Variants in PDZRN3 observed in about 807,000 individuals in gnomAD.
PDZRN3 encodes PDZ domain containing ring finger 3.
PDZRN3 carries 38 observed loss-of-function variants against 85.7 expected under a neutral mutation model. The observed-to-expected ratio is 0.44, with a 90% CI of 0.34 to 0.58. The LOEUF (loss-of-function observed/expected upper bound fraction) is 0.58. Among genes scored for constraint, PDZRN3 ranks in the 20% least tolerant of loss-of-function variants. The pLI, the probability that PDZRN3 is intolerant of heterozygous loss-of-function variation, is 0.01. For synonymous variants in PDZRN3, 759 were observed against 638.0 expected, an observed-to-expected ratio of 1.19 and a Z score of -2.86; for missense variants, 1,629 against 1,506.4, an observed-to-expected ratio of 1.08 and a Z score of -1.35.
intron 3 of PDZRN3, among the ~76,000 whole-genome samples, chr3:73,494,782 A>G (rs578136945): frequency 3.5e-4 from 54 of 152,368 alleles, no homozygotes; most frequent in African/African-American, 1.2e-3. Flanking sequence ...GATAATATCT[A>G]AAGAGCACAC....
chr3:73,508,044 G>A (rs1382206265), intron 3 of PDZRN3, among the ~76,000 whole-genome samples: 2 of 152,052 alleles, frequency 1.3e-5, no homozygotes, highest in African/African-American at 2.4e-5. Context: ...GCAATGAGCC[G>A]AGATTGTGCC....
chr3:73,384,757 C>T lies in PDZRN3; in HGVS notation c.1809G>A (p.Gln603=), dbSNP rs1212808669. Reference sequence around the variant, plus strand: ...TGTCCTGGCTGCAGGTGAGCTTCCTCTGCCCCGCCAGCGGGTTGGAGGATG... The same window carrying T: ...TGTCCTGGCTGCAGGTGAGCTTCCTTTGCCCCGCCAGCGGGTTGGAGGATG... ...ATASSNPLAG[Q]RKLTCSQDTL... The change falls in exon 10 of 10, where the codon CAG becomes CAA. Residue 603 remains glutamine (Q), a synonymous_variant. Coordinates refer to ENST00000263666, the MANE Select transcript of PDZRN3 (RefSeq NM_015009.3). 1.2e-6 allele frequency: 2 copies of T among 1,614,010 alleles called. No homozygotes were observed. Among genetic ancestry groups the T allele is most frequent in the South Asian group, 2.2e-5 (2 of 91,084 alleles).
chr3:73,572,197 C>T (rs544424627), intron 3 of PDZRN3, among the ~76,000 whole-genome samples: 5 of 152,112 alleles, frequency 3.3e-5, no homozygotes, highest in Admixed American at 6.5e-5. Context: ...ATCCATTTGC[C>T]CGGGCTGTGA....
intron 3 of PDZRN3, among the ~76,000 whole-genome samples, chr3:73,535,086 GC>G (rs1295304820): frequency 2.0e-5 from 3 of 152,054 alleles, no homozygotes; most frequent in Admixed American, 6.5e-5. Flanking sequence ...ACCTGGGTCT[GC>G]CGTGTTGTCT....
intron 3 of PDZRN3, among the ~76,000 whole-genome samples, chr3:73,472,828 C>T (rs6799565): frequency 0.12 from 17,762 of 152,166 alleles, 1,923 homozygotes; most frequent in African/African-American, 0.29. Context: ...GTCAAAAACA[C>T]CAAAAGTTTA....
intron 3 of PDZRN3, among the ~76,000 whole-genome samples, chr3:73,411,377 C>T (rs1471234725): frequency 6.6e-6 from 1 of 152,154 alleles, no homozygotes; most frequent in African/African-American, 2.4e-5. Flanking sequence ...AGTGGCTTTT[C>T]TTGGATAACT....
At position 73,486,773 on chromosome 3, in the gene PDZRN3, G is replaced by A. The variant is rs142793984; in HGVS notation, c.919-82378C>T. Among the ~76,000 whole-genome samples the A allele has an allele frequency of 5.0e-3, 765 of 152,218 alleles. 5 individuals carry two copies. Among genetic ancestry groups the A allele is most frequent in the African/African-American group, 0.017 (707 of 41,526 alleles). Reference sequence around the variant, plus strand: ...TTTTGTGATTATTTGCAAAGCTGGCGGTAACTGATTGGCATAGATAACAAC... The same window carrying A: ...TTTTGTGATTATTTGCAAAGCTGGCAGTAACTGATTGGCATAGATAACAAC... On this transcript the variant is annotated intron_variant, in intron 3 of 9. Coordinates refer to ENST00000263666, the MANE Select transcript of PDZRN3 (RefSeq NM_015009.3).
chr3:73,401,205 T>C, intron 4 of PDZRN3, 196 bp from the exon 5 acceptor site: 2 of 526,142 alleles, frequency 3.8e-6, no homozygotes, highest in Admixed American at 3.1e-5. Context: ...CTTTAGTACA[T>C]TTCCTCCTGA....
At chr3:73,497,022 C>T (rs747937022) in intron 3 of PDZRN3, among the ~76,000 whole-genome samples, 1 of 152,156 alleles carries the variant, frequency 6.6e-6, no homozygotes, top group Non-Finnish European at 1.5e-5. Flanking sequence ...TATATGGTGA[C>T]TCTGATGTTA....
chr3:73,583,660 C>T (rs1575750292), intron 3 of PDZRN3, among the ~76,000 whole-genome samples: 1 of 152,172 alleles, frequency 6.6e-6, no homozygotes, highest in Non-Finnish European at 1.5e-5. Flanking sequence ...TAAAATAGCA[C>T]AGGATGGCCT....
chr3:73,409,632 CAG>C (rs1701925328), intron 3 of PDZRN3, among the ~76,000 whole-genome samples: 1 of 152,120 alleles, frequency 6.6e-6, no homozygotes, highest in African/African-American at 2.4e-5. Context: ...TCGAGTGACT[CAG>C]AGACTACACA....
At chr3:73,520,249 A>G (rs1046013427) in intron 3 of PDZRN3, among the ~76,000 whole-genome samples, 2 of 152,134 alleles carry the variant, frequency 1.3e-5, no homozygotes, top group African/African-American at 4.8e-5. Flanking sequence ...CACACCTGTA[A>G]TACCAGCACT....
chr3:73,500,576 A>G (rs894745774), intron 3 of PDZRN3, among the ~76,000 whole-genome samples: 5 of 152,168 alleles, frequency 3.3e-5, no homozygotes, highest in African/African-American at 9.7e-5. Flanking sequence ...CTTAAAACAC[A>G]GCCTTAACAT....
chr3:73,600,511 A>C (rs1702500977), intron 3 of PDZRN3, among the ~76,000 whole-genome samples: 1 of 152,180 alleles, frequency 6.6e-6, no homozygotes, highest in Non-Finnish European at 1.5e-5. Flanking sequence ...TGTCAATTGC[A>C]ATTATACATA....
intron 3 of PDZRN3, among the ~76,000 whole-genome samples, chr3:73,575,807 C>T (rs574511855): frequency 1.8e-4 from 28 of 152,252 alleles, no homozygotes; most frequent in African/African-American, 3.4e-4. Flanking sequence ...ATTAACTGAT[C>T]CCTGAGTTTT....
chr3:73,384,296 G>A lies in PDZRN3; in HGVS notation c.2270C>T (p.Ala757Val). Residue 757 changes from alanine (A) to valine (V), a missense_variant, in exon 10 of 10, where the codon GCC (alanine) becomes GTC (valine). By Grantham distance (64) the Ala-to-Val change is moderately conservative. Transcript: ENST00000263666. Reference sequence around the variant, plus strand: ...GCGGCAGCTCTCGCCTGTGTTGTAGGCGCTCGAGCTGTCCTTGTCGGATTT... The same window carrying A: ...GCGGCAGCTCTCGCCTGTGTTGTAGACGCTCGAGCTGTCCTTGTCGGATTT... ...PEKSDKDSSS[A>V]YNTGESCRST... 1 of 1,612,856 alleles carries A rather than the reference G, an allele frequency of 6.2e-7. No individual in the cohort carries two copies.
At chr3:73,455,166 A>G (rs1702953851) in intron 3 of PDZRN3, among the ~76,000 whole-genome samples, 1 of 152,196 alleles carries the variant, frequency 6.6e-6, no homozygotes. Context: ...TAATGACCAG[A>G]GTATTTTCAG....
chr3:73,495,628 A>T (rs1435505298), intron 3 of PDZRN3, among the ~76,000 whole-genome samples: 1 of 152,120 alleles, frequency 6.6e-6, no homozygotes, highest in Admixed American at 6.5e-5. Flanking sequence ...CTTTTTCCCT[A>T]TTACAAACAA....
intron 3 of PDZRN3, among the ~76,000 whole-genome samples, chr3:73,591,644 T>C (rs1359989759): frequency 6.6e-6 from 1 of 152,174 alleles, no homozygotes; most frequent in East Asian, 1.9e-4. Flanking sequence ...CTGGTGAGCA[T>C]TTATTCCGGG....
Sources: gnomAD v4.1 joint callset for allele counts (sites outside exome capture counted in the v4.1 genomes callset) on GRCh38, gnomAD v4.1.1 for gene constraint, MANE v1.5 for transcripts, NCBI Gene and HGNC (gene_info 2026-07-23, HGNC 2026-07-21) for gene names.